The following MARCHF1 variants were observed in gnomAD, a reference collection of about 807,000 sequenced individuals.
MARCHF1 encodes E3 ubiquitin-protein ligase MARCHF1.
Under a neutral mutation model 54.2 loss-of-function variants are expected in MARCHF1, and 40 were observed. The observed-to-expected ratio is 0.74, with a 90% CI of 0.57 to 0.96. The LOEUF (loss-of-function observed/expected upper bound fraction) is 0.96. MARCHF1 is among the 40% of genes least tolerant of loss of function. The pLI is 0.00. For missense variants in MARCHF1, 586 were observed against 656.5 expected (o/e 0.89, Z 1.17); for synonymous variants, 236 against 236.3 (o/e 1.00, Z 0.01).
At position 164,147,417 on chromosome 4, in the gene MARCHF1, C is replaced by A. The variant is rs192428398; in HGVS notation, c.-322-35755G>T. Among the ~76,000 whole-genome samples the A allele has an allele frequency of 3.9e-4, 55 of 139,350 alleles. 1 individual carries two copies. In the East Asian group the frequency reaches 8.7e-3, roughly 22 times the overall value. The allele number at this position is 139,350 out of a possible 152,430, so 91.4% of individuals were successfully genotyped here. The stretch of plus-strand genomic sequence containing the variant: ...TATTCACAATAGCAAAGACTTGGAA[C>A]TAACCCAAATGTCCAACAATGATAG... On this transcript the variant is annotated intron_variant, in intron 1 of 9. Coordinates refer to ENST00000514618, the MANE Select transcript of MARCHF1 (RefSeq NM_001394959.1).
intron 5 of MARCHF1, among the ~76,000 whole-genome samples, chr4:163,631,548 G>A (rs1412701613): frequency 6.6e-6 from 1 of 152,098 alleles, no homozygotes; most frequent in Non-Finnish European, 1.5e-5. Context: ...TTCAGGAACA[G>A]TGCCAAAAAA....
chr4:164,085,660 G>A, intron 2 of MARCHF1, among the ~76,000 whole-genome samples: 1 of 151,728 alleles, frequency 6.6e-6, no homozygotes, highest in Admixed American at 6.6e-5. Flanking sequence ...GAGTTTTTGT[G>A]CATTATAAAT....
intron 3 of MARCHF1, among the ~76,000 whole-genome samples, chr4:163,969,685 C>T (rs943632566): frequency 6.6e-6 from 1 of 152,162 alleles, no homozygotes; most frequent in Non-Finnish European, 1.5e-5. Context: ...ATGCTACACG[C>T]AACATGCTTC....
At chr4:164,090,454 A>G (rs747815736) in intron 2 of MARCHF1, among the ~76,000 whole-genome samples, 12 of 152,252 alleles carry the variant, frequency 7.9e-5, no homozygotes, top group Non-Finnish European at 1.6e-4. Context: ...TATTCAAACA[A>G]TAAGTAAAAG....
intron 4 of MARCHF1, among the ~76,000 whole-genome samples, chr4:163,756,631 CAAAAAAAAAAAAAA>C (rs67382228): frequency 1.5e-5 from 1 of 67,582 alleles, no homozygotes; most frequent in African/African-American, 6.6e-5. Flanking sequence ...GACTCTGTCT[CAAAAAAAAAAAAAA>C]AAAAAAAAAA....
chr4:164,055,179 C>A (rs1363886837), intron 2 of MARCHF1: 1 of 152,142 alleles, frequency 6.6e-6, no homozygotes, highest in Non-Finnish European at 1.5e-5. Context: ...TGAGGTGGCT[C>A]ATGCTTGTAA....
At position 163,754,476 on chromosome 4, in the gene MARCHF1, A is replaced by G. The variant is rs74783841; in HGVS notation, c.112-53613T>C. ...AGAATAGACATCCTGGATTCTTCAGATGGGATCATATGTCAGTGAATAAAT... is the reference window on the plus strand; with the variant it reads ...AGAATAGACATCCTGGATTCTTCAGGTGGGATCATATGTCAGTGAATAAAT... On this transcript the variant is annotated intron_variant, in intron 4 of 9. Coordinates refer to ENST00000514618, the MANE Select transcript of MARCHF1 (RefSeq NM_001394959.1). Among the ~76,000 whole-genome samples the G allele has an allele frequency of 7.8e-3, 1,191 of 152,356 alleles. 10 individuals are homozygous for G. Among genetic ancestry groups the G allele is most frequent in the South Asian group, 0.03 (144 of 4,828 alleles).
intron 1 of MARCHF1, among the ~76,000 whole-genome samples, chr4:164,310,206 T>C (rs866547384): frequency 4.4e-4 from 67 of 152,110 alleles, no homozygotes; most frequent in Middle Eastern, 6.8e-3. Context: ...GCCTCCCGAG[T>C]AGCTGGGATC....
chr4:163,545,861 G>A (rs1038831161), intron 8 of MARCHF1, 118 bp from the exon 9 acceptor site: 6 of 806,124 alleles, frequency 7.4e-6, no homozygotes, highest in Non-Finnish European at 8.2e-6. Context: ...TGCAATTTCA[G>A]ATGACACTGT....
chr4:163,799,816 C>A (rs779260401), intron 4 of MARCHF1, among the ~76,000 whole-genome samples: 3 of 152,000 alleles, frequency 2.0e-5, no homozygotes, highest in Non-Finnish European at 4.4e-5. Context: ...AATCATTCAA[C>A]CAAAAAGACT....
At chr4:164,114,348 T>A (rs996190630) in intron 1 of MARCHF1, among the ~76,000 whole-genome samples, 4 of 151,920 alleles carry the variant, frequency 2.6e-5, no homozygotes, top group Non-Finnish European at 4.4e-5. Flanking sequence ...TTGTTTATTG[T>A]AACATTAAGG....
chr4:163,545,824 A>G (rs1056160316), intron 8 of MARCHF1, 81 bp from the exon 9 acceptor site: 29 of 1,208,674 alleles, frequency 2.4e-5, no homozygotes, highest in Middle Eastern at 3.9e-4. Flanking sequence ...GACACAGATC[A>G]TGAATGGAAG....
At chr4:163,999,702 T>C (rs912169572) in intron 2 of MARCHF1, among the ~76,000 whole-genome samples, 2 of 151,622 alleles carry the variant, frequency 1.3e-5, no homozygotes, top group African/African-American at 2.4e-5. Context: ...AATTGCTATT[T>C]ATTGAGCCAA....
At chr4:163,992,061 C>CAA (rs544389591) in intron 2 of MARCHF1, among the ~76,000 whole-genome samples, 2 of 52,858 alleles carry the variant, frequency 3.8e-5, no homozygotes, top group African/African-American at 1.3e-4. Context: ...TTGTCAGCTG[C>CAA]AAAAAAAAAA....
At chr4:163,635,350 G>A (rs1224403328) in intron 5 of MARCHF1, among the ~76,000 whole-genome samples, 3 of 151,192 alleles carry the variant, frequency 2.0e-5, no homozygotes, top group Non-Finnish European at 2.9e-5. Flanking sequence ...TAGACCGCTA[G>A]CAAGACTAAT....
chr4:164,069,869 G>T (rs554332903), intron 2 of MARCHF1, among the ~76,000 whole-genome samples: 2 of 152,306 alleles, frequency 1.3e-5, no homozygotes, highest in South Asian at 4.1e-4. Flanking sequence ...TAACCTAGGT[G>T]CCCTATCAAT....
chr4:163,529,564 G>A (rs996236636), intron 9 of MARCHF1, among the ~76,000 whole-genome samples: 1 of 151,928 alleles, frequency 6.6e-6, no homozygotes, highest in Non-Finnish European at 1.5e-5. Flanking sequence ...TAAGAGGGAG[G>A]GGAAGGAAAA....
intron 1 of MARCHF1, among the ~76,000 whole-genome samples, chr4:164,344,547 A>AT (rs955760076): frequency 4.6e-5 from 7 of 151,560 alleles, no homozygotes; most frequent in Non-Finnish European, 7.4e-5. Context: ...ATAAAATTTG[A>AT]TTTTTTTGTA....
chr4:163,611,218 T>C (rs752236937), intron 7 of MARCHF1, among the ~76,000 whole-genome samples: 1 of 152,106 alleles, frequency 6.6e-6, no homozygotes, highest in Admixed American at 6.6e-5. Flanking sequence ...TAATGCATAA[T>C]AGATGCTTGA....
Sources: gnomAD v4.1 joint callset for allele counts (sites outside exome capture counted in the v4.1 genomes callset) on GRCh38, gnomAD v4.1.1 for gene constraint, MANE v1.5 for transcripts, NCBI Gene and HGNC (gene_info 2026-07-23, HGNC 2026-07-21) for gene names.